CDK15: variants seen among roughly 807,000 people sequenced by gnomAD.
CDK15 encodes cyclin-dependent kinase 15.
A neutral mutation model predicts 60.3 loss-of-function variants in CDK15; 62 were observed. That is an observed-to-expected ratio of 1.03 (90% CI 0.84 to 1.27). The LOEUF (loss-of-function observed/expected upper bound fraction) is 1.27. CDK15 is among the 50% of genes most tolerant of loss of function. The pLI is 0.00. For missense variants in CDK15, 541 were observed against 527.8 expected (o/e 1.03, Z -0.25); for synonymous variants, 194 against 195.7 (o/e 0.99, Z 0.07).
rs1248688911 is a variant in CDK15, at chr2:201,835,989, TA to T, written c.851+227del. 3.3e-4 allele frequency among the ~76,000 whole-genome samples: 11 copies of T among 33,604 alleles called. No individual in the cohort carries two copies. The East Asian group carries it at 0.2, about 611-fold the overall frequency. 22.0% of individuals were successfully genotyped at this position (33,604 alleles called of 152,430 possible). On this transcript the variant is annotated intron_variant, in intron 8 of 13. Coordinates refer to ENST00000652192, the MANE Select transcript of CDK15 (RefSeq NM_001366386.2). ...ATTTATATATTTATATATTTTTATA[TA>T]TTTATATATATTTATATTTTTATAT...
At position 201,807,368 on chromosome 2, in the gene CDK15, G is replaced by C. The variant is rs144066313; in HGVS notation, c.124-126G>C. 5,912 of 943,038 alleles carry C rather than the reference G, an allele frequency of 6.3e-3. 32 individuals carry two copies. The highest frequency in any genetic ancestry group is 8.8e-3 in the Admixed American group (321 of 36,400). The allele number at this position is 943,038 out of a possible 1,614,324, so 58.4% of individuals were successfully genotyped here. On this transcript the variant is annotated intron_variant, in intron 1 of 13. Coordinates refer to ENST00000652192, the MANE Select transcript of CDK15 (RefSeq NM_001366386.2). ...GATCTTTCAAGAAAAGTGCCTTTTGGGGGTACAGGAAGCTTAGAAAACATT... is the reference window on the plus strand; with the variant it reads ...GATCTTTCAAGAAAAGTGCCTTTTGCGGGTACAGGAAGCTTAGAAAACATT...
intron 6 of CDK15, among the ~76,000 whole-genome samples, chr2:201,825,806 A>C (rs887479396): frequency 2.0e-5 from 3 of 152,238 alleles, no homozygotes; most frequent in Non-Finnish European, 2.9e-5. Context: ...TGTGCTGGCC[A>C]GTGGCATCTA....
intron 10 of CDK15, among the ~76,000 whole-genome samples, chr2:201,859,910 T>C (rs1228935411): frequency 6.6e-6 from 1 of 152,202 alleles, no homozygotes; most frequent in Non-Finnish European, 1.5e-5. Context: ...ACTAAATATT[T>C]AGACATTTCT....
chr2:201,807,459 A>G (rs1695562044), intron 1 of CDK15, 35 bp from the exon 2 acceptor site: 4 of 1,598,208 alleles, frequency 2.5e-6, no homozygotes, highest in Non-Finnish European at 3.4e-6. Flanking sequence ...TTTACTTTGC[A>G]TAAATTTTAT....
intron 4 of CDK15, among the ~76,000 whole-genome samples, chr2:201,820,984 TCA>T (rs1696196504): frequency 6.6e-6 from 1 of 152,138 alleles, no homozygotes; most frequent in Admixed American, 6.5e-5. Flanking sequence ...ATTCACTGGC[TCA>T]CAGATCTGAT....
chr2:201,812,006 T>C (rs1046656796), intron 3 of CDK15, among the ~76,000 whole-genome samples: 3 of 151,898 alleles, frequency 2.0e-5, no homozygotes, highest in Non-Finnish European at 4.4e-5. Context: ...AACCCCCATC[T>C]CTGCTAAAAA....
intron 7 of CDK15, among the ~76,000 whole-genome samples, chr2:201,835,353 G>A (rs750865244): frequency 1.3e-5 from 2 of 152,036 alleles, no homozygotes; most frequent in Non-Finnish European, 2.9e-5. Flanking sequence ...CTCCACTAAG[G>A]CATAATCTGG....
rs1234199618 is a variant in CDK15 at position 201,880,043 on chromosome 2, T to C, written c.1074T>C (p.Pro358=). ...HVVWNRLGRV[P]EAEDLASQML... The stretch of plus-strand genomic sequence containing the variant: ...ACTTTTCCAGGCTGGGCAGGGTTCC[T>C]GAAGCTGAAGACCTGGCCTCCCAGA... The change falls in exon 12 of 14, where the codon CCT becomes CCC. Residue 358 remains proline (P), a synonymous_variant. Coordinates refer to ENST00000652192, the MANE Select transcript of CDK15 (RefSeq NM_001366386.2). 8.1e-6 allele frequency: 13 copies of C among 1,614,040 alleles called. No homozygotes were observed. Among genetic ancestry groups the C allele is most frequent in the Non-Finnish European group, 1.1e-5 (13 of 1,180,010 alleles).
intron 12 of CDK15, among the ~76,000 whole-genome samples, chr2:201,886,013 CTA>C (rs1325756647): frequency 6.6e-6 from 1 of 152,200 alleles, no homozygotes; most frequent in African/African-American, 2.4e-5. Context: ...TCCTTTCCTA[CTA>C]TTCATTGTTC....
At position 201,837,305 on chromosome 2, in the gene CDK15, G is replaced by A. The variant is rs1466966100; in HGVS notation, c.851+1542G>A. On this transcript the variant is annotated intron_variant, in intron 8 of 13. Coordinates refer to ENST00000652192, the MANE Select transcript of CDK15 (RefSeq NM_001366386.2). ...CCCGTCTGAAAGAAAGAAAGAAACA[G>A]AGAGAGAGAGAGAGAGAGAAAGAAA... is the stretch of plus-strand genomic sequence containing the variant. 1.4e-3 allele frequency among the ~76,000 whole-genome samples: 191 copies of A among 138,468 alleles called. 1 individual carries two copies. Among genetic ancestry groups the A allele is most frequent in the African/African-American group, 4.8e-3 (177 of 36,820 alleles). 90.8% of individuals were successfully genotyped at this position (138,468 alleles called of 152,430 possible). A position where few individuals can be genotyped will look rare whatever the true frequency, so the allele number is the denominator to read the frequency against.
chr2:201,810,837 CTTT>C (rs199591982), intron 3 of CDK15, among the ~76,000 whole-genome samples: 5 of 123,636 alleles, frequency 4.0e-5, no homozygotes, highest in African/African-American at 6.5e-5. Flanking sequence ...GGTATGCACT[CTTT>C]TTTTTTTTTT....
chr2:201,816,397 G>T (rs980446459), intron 4 of CDK15, among the ~76,000 whole-genome samples: 1 of 150,134 alleles, frequency 6.7e-6, no homozygotes, highest in African/African-American at 2.5e-5. Flanking sequence ...TCTGTTCCTG[G>T]GTTAATTCAC....
intron 8 of CDK15, among the ~76,000 whole-genome samples, chr2:201,841,234 A>G: frequency 6.6e-6 from 1 of 152,328 alleles, no homozygotes; most frequent in Non-Finnish European, 1.5e-5. Flanking sequence ...TACCACATAT[A>G]CAAAAATGTA....
chr2:201,835,265 G>A (rs1696956118), intron 7 of CDK15, among the ~76,000 whole-genome samples: 1 of 152,130 alleles, frequency 6.6e-6, no homozygotes, highest in Admixed American at 6.5e-5. Flanking sequence ...ATCCCCAATT[G>A]TATGTTTCAA....
At chr2:201,864,745 G>A (rs1306335142) in intron 10 of CDK15, among the ~76,000 whole-genome samples, 1 of 152,246 alleles carries the variant, frequency 6.6e-6, no homozygotes, top group Non-Finnish European at 1.5e-5. Context: ...GGAAGGAACA[G>A]ATTTATAGAG....
intron 6 of CDK15, among the ~76,000 whole-genome samples, chr2:201,824,273 T>C (rs1363236521): frequency 1.3e-5 from 2 of 152,214 alleles, no homozygotes; most frequent in African/African-American, 4.8e-5. Context: ...TCCCTAAGGT[T>C]TTATTGGCAT....
At chr2:201,839,922 G>C (rs1697294480) in intron 8 of CDK15, among the ~76,000 whole-genome samples, 1 of 152,098 alleles carries the variant, frequency 6.6e-6, no homozygotes, top group East Asian at 1.9e-4. Context: ...ATGTGTGTTT[G>C]AGAAGAATGT....
chr2:201,887,090 T>A (rs1021687934), intron 12 of CDK15, among the ~76,000 whole-genome samples: 1 of 152,180 alleles, frequency 6.6e-6, no homozygotes, highest in South Asian at 2.1e-4. Flanking sequence ...TACAATTTTT[T>A]AAATAAAAAG....
intron 8 of CDK15, among the ~76,000 whole-genome samples, chr2:201,839,970 T>TTTTTTGTTTTTG (rs113933590): frequency 2.7e-5 from 4 of 150,674 alleles, no homozygotes; most frequent in African/African-American, 9.8e-5. Flanking sequence ...CTGGGGTTTT[T>TTTTTTGTTTTTG]TTTTTGTTTT....
Sources: allele counts gnomAD v4.1 joint callset (sites outside exome capture counted in the v4.1 genomes callset), GRCh38; gene constraint gnomAD v4.1.1; transcripts MANE v1.5; gene names NCBI Gene and HGNC (gene_info 2026-07-23, HGNC 2026-07-21).